The following CFAP70 variants were observed in gnomAD, a reference collection of about 807,000 sequenced individuals.
The protein encoded by CFAP70 is cilia and flagella associated protein 70, also known as cilia- and flagella-associated protein 70.
Under a neutral mutation model 137.6 loss-of-function variants are expected in CFAP70, and 81 were observed. That is an observed-to-expected ratio of 0.59 (90% CI 0.49 to 0.71). The LOEUF (loss-of-function observed/expected upper bound fraction) is 0.71. CFAP70 is among the 30% of genes least tolerant of loss of function. The probability of loss-of-function intolerance (pLI) is 0.00; values close to 1 mark genes in which losing one functional copy is unlikely to be tolerated. For missense variants in CFAP70, 976 were observed against 1,226.7 expected (o/e 0.80, Z 3.05); for synonymous variants, 382 against 423.6 (o/e 0.90, Z 1.20).
At chr10:73,350,941 ATGTG>A (rs1035891704) in intron 3 of CFAP70, among the ~76,000 whole-genome samples, 1 of 145,410 alleles carries the variant, frequency 6.9e-6, no homozygotes, top group Non-Finnish European at 1.5e-5. Context: ...GTGTGTATAT[ATGTG>A]TGTGTGTGTG....
intron 9 of CFAP70, among the ~76,000 whole-genome samples, chr10:73,313,423 G>A (rs2050092363): frequency 6.7e-6 from 1 of 150,212 alleles, no homozygotes; most frequent in African/African-American, 2.5e-5. Context: ...CATGACTGTG[G>A]TCCTAGTTAC....
At chr10:73,299,534 T>G (rs933181196) in intron 13 of CFAP70, 71 bp downstream of exon 14, 16 of 1,248,078 alleles carry the variant, frequency 1.3e-5, no homozygotes, top group Non-Finnish European at 1.9e-5. Context: ...TATTAAAGAG[T>G]CCATGCAATT....
chr10:73,295,601 C>G (rs917542007), intron 15 of CFAP70: 1 of 152,130 alleles, frequency 6.6e-6, no homozygotes, highest in Non-Finnish European at 1.5e-5. Flanking sequence ...CCAGTGAAGA[C>G]TTTAGATTTG....
intron 25 of CFAP70, among the ~76,000 whole-genome samples, chr10:73,268,045 TG>T (rs1424362729): frequency 1.3e-5 from 2 of 152,240 alleles, no homozygotes; most frequent in Non-Finnish European, 2.9e-5. Flanking sequence ...AAGACTTACC[TG>T]ACTGGGTCAG....
At chr10:73,309,199 G>T (rs891282689) in intron 12 of CFAP70, among the ~76,000 whole-genome samples, 3 of 152,158 alleles carry the variant, frequency 2.0e-5, no homozygotes, top group Non-Finnish European at 4.4e-5. Flanking sequence ...CAATTTTAGA[G>T]GGATAAAAAG....
At chr10:73,299,531 G>A in intron 13 of CFAP70, 74 bp downstream of exon 14, 1 of 1,214,538 alleles carries the variant, frequency 8.2e-7, no homozygotes, top group East Asian at 2.3e-5. Flanking sequence ...ACATATTAAA[G>A]AGTCCATGCA....
At chr10:73,266,433 C>T (rs2045780743) in intron 25 of CFAP70, among the ~76,000 whole-genome samples, 1 of 152,094 alleles carries the variant, frequency 6.6e-6, no homozygotes. Context: ...CCTACCTAAT[C>T]CTTTTACCTT....
intron 8 of CFAP70, among the ~76,000 whole-genome samples, chr10:73,325,113 G>A (rs2051271593): frequency 1.3e-5 from 2 of 152,162 alleles, no homozygotes; most frequent in Admixed American, 1.3e-4. Context: ...ACAAAGGGAA[G>A]CCCATCAGAC....
chr10:73,254,773 A>G (rs558653575), intron 26 of CFAP70, among the ~76,000 whole-genome samples: 1 of 152,262 alleles, frequency 6.6e-6, no homozygotes, highest in South Asian at 2.1e-4. Flanking sequence ...CATGAATATG[A>G]TAGTAAGCTA....
intron 7 of CFAP70, among the ~76,000 whole-genome samples, chr10:73,333,784 G>T (rs1420398624): frequency 6.6e-6 from 1 of 152,092 alleles, no homozygotes; most frequent in Non-Finnish European, 1.5e-5. Flanking sequence ...AAATGACATG[G>T]GTCAAAAAAC....
intron 15 of CFAP70, 181 bp downstream of exon 16, chr10:73,296,861 C>T (rs1290326821): frequency 1.9e-5 from 9 of 483,848 alleles, no homozygotes; most frequent in South Asian, 8.6e-5. Flanking sequence ...TGTTTTTTTC[C>T]AAAATTAGTC....
intron 12 of CFAP70, among the ~76,000 whole-genome samples, chr10:73,302,883 C>CTTTTTTTTTTTTTTTTTT (rs1554895440): frequency 7.6e-6 from 1 of 130,996 alleles, no homozygotes; most frequent in African/African-American, 2.9e-5. Context: ...CTTTTCTTTT[C>CTTTTTTTTTTTTTTTTTT]TTTTTTTTTT....
At chr10:73,253,972 G>A (rs765890679) in exon 27 of CFAP70, 4 of 1,602,322 alleles carry the variant, frequency 2.5e-6, no homozygotes, top group Non-Finnish European at 3.4e-6. Flanking sequence ...AGCTGGAGGG[G>A]TATCAGAAAG....
At chr10:73,346,962 T>C (rs1412786355) in intron 4 of CFAP70, 1 of 152,214 alleles carries the variant, frequency 6.6e-6, no homozygotes, top group Non-Finnish European at 1.5e-5. Context: ...GTGAGTTATC[T>C]CAACTGACTG....
chr10:73,270,082 A>G (rs1364354209), intron 24 of CFAP70, among the ~76,000 whole-genome samples: 2 of 152,192 alleles, frequency 1.3e-5, no homozygotes, highest in African/African-American at 2.4e-5. Context: ...TGATTTCTCC[A>G]CACACAGTGG....
At chr10:73,339,142 C>T (rs2052997408) in intron 6 of CFAP70, among the ~76,000 whole-genome samples, 1 of 151,942 alleles carries the variant, frequency 6.6e-6, no homozygotes, top group Non-Finnish European at 1.5e-5. Flanking sequence ...TAATCTCGAA[C>T]TCCTGACCTC....
chr10:73,274,456 G>A (rs141997089), exon 23 of CFAP70: 3 of 1,613,296 alleles, frequency 1.9e-6, no homozygotes, highest in African/African-American at 1.3e-5. Context: ...AGATAGATGA[G>A]CCCCAGTCTC....
intron 6 of CFAP70, among the ~76,000 whole-genome samples, chr10:73,336,106 T>G (rs1299931995): frequency 1.3e-5 from 2 of 151,132 alleles, no homozygotes; most frequent in Non-Finnish European, 2.9e-5. Flanking sequence ...ATCGCACCAT[T>G]GCATTCCAGC....
chr10:73,281,245 C>T (rs1014451197), intron 19 of CFAP70, among the ~76,000 whole-genome samples: 8 of 151,994 alleles, frequency 5.3e-5, no homozygotes, highest in Non-Finnish European at 1.0e-4. Flanking sequence ...AGTGCAGTGG[C>T]ACAATCATGG....
Sources: allele counts gnomAD v4.1 joint callset (sites outside exome capture counted in the v4.1 genomes callset), GRCh38; gene constraint gnomAD v4.1.1; transcripts MANE v1.5; gene names NCBI Gene and HGNC (gene_info 2026-07-23, HGNC 2026-07-21).